Variants in ARHGEF1 observed in about 807,000 individuals in gnomAD.
The protein encoded by ARHGEF1 is 115 kDa guanine nucleotide exchange factor.
A neutral mutation model predicts 119.7 loss-of-function variants in ARHGEF1; 40 were observed. The observed-to-expected ratio is 0.33, with a 90% CI of 0.26 to 0.44. The LOEUF is 0.44. Ranked by LOEUF, ARHGEF1 falls within the 20% of genes least tolerant of loss-of-function variation. The pLI, the probability that ARHGEF1 is intolerant of heterozygous loss-of-function variation, is 1.00. For missense variants in ARHGEF1, 976 were observed against 1,268.3 expected (o/e 0.77, Z 3.50); for synonymous variants, 494 against 521.0 (o/e 0.95, Z 0.71).
At chr19:41,912,986 C>T (rs2074762857) in intron 18 of ARHGEF1, 3 of 830,536 alleles carry the variant, frequency 3.6e-6, no homozygotes, top group Admixed American at 4.3e-5. Context: ...GAGACAGACA[C>T]AGGTCAGCCA....
At chr19:41,897,171 G>T in intron 13 of ARHGEF1, 1 of 747,022 alleles carries the variant, frequency 1.3e-6, no homozygotes, top group Non-Finnish European at 2.0e-6. Context: ...TGCCCTGGGG[G>T]CCCTGTCCCC....
At chr19:41,884,678 C>T (rs1600638233) in intron 1 of ARHGEF1, among the ~76,000 whole-genome samples, 1 of 152,174 alleles carries the variant, frequency 6.6e-6, no homozygotes, top group African/African-American at 2.4e-5. Context: ...ACAGACCCTC[C>T]AGGTTCCTGC....
In ARHGEF1 at chr19:41,903,726, G is replaced by A. The variant is rs1428771477; in HGVS notation, c.1859G>A (p.Arg620Gln). 1.9e-6 allele frequency: 3 copies of A among 1,612,896 alleles called. No individual in the cohort carries two copies. The highest frequency in any genetic ancestry group is 3.3e-5 in the Admixed American group (2 of 59,992). Residue 620 changes from arginine to glutamine, a missense_variant, in exon 20 of 29, where the codon CGG becomes CAG. This residue lies in a region of ARHGEF1 where 286 missense variants were observed against 506.8 expected (regional missense o/e 0.56). Coordinates refer to ENST00000354532, the MANE Select transcript of ARHGEF1 (RefSeq NM_004706.4). This position sits in a 1 kb window ranked among gnomAD's most constrained non-coding sequence, Gnocchi z 4.2. Reference protein sequence around the residue: ...EDLLRLKDYQRRLDLSHLRQS... With the variant: ...EDLLRLKDYQQRLDLSHLRQS... ...CCCCAGAGGCTCAAGGACTATCAGCGGCGCCTGGACTTGTCCCACCTTCGG... is the reference window on the plus strand; with the variant it reads ...CCCCAGAGGCTCAAGGACTATCAGCAGCGCCTGGACTTGTCCCACCTTCGG...
At chr19:41,884,449 T>C in intron 1 of ARHGEF1, 28 of 1,605,728 alleles carry the variant, frequency 1.7e-5, no homozygotes, top group Non-Finnish European at 2.3e-5. Flanking sequence ...GCGCGGAGGC[T>C]TCGGTTCCGG....
chr19:41,913,702 G>A (rs1555851486), intron 18 of ARHGEF1, among the ~76,000 whole-genome samples: 2 of 136,756 alleles, frequency 1.5e-5, no homozygotes, highest in Non-Finnish European at 3.2e-5. Context: ...CCCTCCCTCA[G>A]ACACTCCCTC....
chr19:41,884,341 C>A, intron 1 of ARHGEF1: 1 of 1,383,918 alleles, frequency 7.2e-7, no homozygotes, highest in Non-Finnish European at 9.9e-7. Flanking sequence ...AGGAGCCGGG[C>A]TAGAGCGGCT....
chr19:41,907,560 G>GTTCA (rs1200271721), downstream of ARHGEF1: 13 of 661,418 alleles, frequency 2.0e-5, no homozygotes, highest in Admixed American at 9.6e-5. Flanking sequence ...CCCTCCAGTT[G>GTTCA]TTCATTCATT....
At chr19:41,928,981 G>A (rs1555853612) in exon 2 of ARHGEF1, 1 of 451,538 alleles carries the variant, frequency 2.2e-6, no homozygotes, top group Non-Finnish European at 4.5e-6. Flanking sequence ...GGGACATATG[G>A]ATACAGTAAG....
rs116179799 is a variant in ARHGEF1 at position 41,887,536 on chromosome 19, G to A, written c.-19-528G>A. 4.4e-3 allele frequency among the ~76,000 whole-genome samples: 675 copies of A among 152,232 alleles called. 3 individuals carry two copies. The highest frequency in any genetic ancestry group is 0.016 in the African/African-American group (646 of 41,516). ...GTTTTGTTTTCTTATGTGGAGAGTT[G>A]GGGGTTGGGGGTTTGCCATTGTGAC... On this transcript the variant is annotated intron_variant, in intron 1 of 28. Transcript: ENST00000354532.
At chr19:41,914,303 C>G (rs998184741) in intron 18 of ARHGEF1, among the ~76,000 whole-genome samples, 1 of 151,322 alleles carries the variant, frequency 6.6e-6, no homozygotes, top group Admixed American at 6.6e-5. Flanking sequence ...GTCACTTGGT[C>G]TCTTCTCCCT....
intron 18 of ARHGEF1, among the ~76,000 whole-genome samples, chr19:41,914,631 CT>C (rs2074780025): frequency 1.9e-5 from 1 of 51,676 alleles, no homozygotes. Flanking sequence ...CCATCTCTGT[CT>C]CTGTCTCTCC....
At chr19:41,928,031 C>T (rs2074882320) in intron 1 of ARHGEF1, 1 of 152,176 alleles carries the variant, frequency 6.6e-6, no homozygotes, top group Non-Finnish European at 1.5e-5. Context: ...GGCCGCGGCG[C>T]TCACTCACTT....
chr19:41,915,008 G>A (rs2074791111), intron 18 of ARHGEF1, among the ~76,000 whole-genome samples: 1 of 71,304 alleles, frequency 1.4e-5, no homozygotes, highest in Non-Finnish European at 2.4e-5. Flanking sequence ...TCCTGTCTCT[G>A]CCCCCACCGT....
In ARHGEF1 at chr19:41,894,232, C is replaced by G. The variant is rs1555846993; in HGVS notation, c.670C>G (p.Leu224Val). Reference sequence around the variant, plus strand: ...TGCTGCCGTGGTCAACGCCATTGGCCTGTACATGCGCCACCTTGGGGTGCG... The same window carrying G: ...TGCTGCCGTGGTCAACGCCATTGGCGTGTACATGCGCCACCTTGGGGTGCG... Reference protein sequence around the residue: ...KSAAVVNAIGLYMRHLGVRTK... With the variant: ...KSAAVVNAIGVYMRHLGVRTK... Residue 224 changes from leucine (L) to valine (V), a missense_variant, in exon 9 of 29, where the codon CTG becomes GTG. Around this residue, in one of 3 missense-constraint regions of ARHGEF1, gnomAD observed 519 missense variants for 580.9 expected, o/e 0.89. Coordinates refer to ENST00000354532, the MANE Select transcript of ARHGEF1 (RefSeq NM_004706.4). 1 of 1,553,010 alleles carries G rather than the reference C, an allele frequency of 6.4e-7. No individual in the cohort carries two copies. The highest frequency in any genetic ancestry group is 8.7e-7 in the Non-Finnish European group (1 of 1,147,478).
chr19:41,900,722 T>C (rs1204306738), intron 14 of ARHGEF1: 1 of 151,828 alleles, frequency 6.6e-6, no homozygotes, highest in African/African-American at 2.4e-5. Flanking sequence ...ATGAGGACCA[T>C]TGGTCACTCT....
rs1393329979 is a variant in ARHGEF1 at position 41,888,763 on chromosome 19, G to C, written c.123G>C (p.Glu41Asp). 1.2e-6 allele frequency: 2 copies of C among 1,614,080 alleles called. No homozygotes were observed. Among genetic ancestry groups the C allele is most frequent in the Non-Finnish European group, 1.7e-6 (2 of 1,180,032 alleles). ...FENELETNSE[E>D]QNSQFQSLEQ... is the part of the protein sequence containing the mutation. ...TCCTGCACCCCCAGAACTCAGAAGA[G>C]CAAAACAGCCAGTTCCAGAGCCTGG... Residue 41 changes from glutamate to aspartate, a missense_variant, in exon 4 of 29, where the codon GAG becomes GAC. By Grantham distance (45) the Glu-to-Asp change is conservative (BLOSUM62 2). Around this residue, in one of 3 missense-constraint regions of ARHGEF1, gnomAD observed 519 missense variants for 580.9 expected, o/e 0.89. Coordinates refer to ENST00000354532, the MANE Select transcript of ARHGEF1 (RefSeq NM_004706.4). This position sits in a 1 kb window ranked among gnomAD's most constrained non-coding sequence, Gnocchi z 5.1.
In ARHGEF1 at chr19:41,894,660, T is replaced by C; in HGVS notation, c.876T>C (p.Asp292=). The C allele has an allele frequency of 6.2e-7, 1 of 1,614,006 alleles. No homozygotes were observed. The highest frequency in any genetic ancestry group is 8.5e-7 in the Non-Finnish European group (1 of 1,179,904). Residue 292 remains aspartate (D), a splice_region_variant and synonymous_variant, in exon 11 of 29, where the codon GAT becomes GAC. Coordinates refer to ENST00000354532, the MANE Select transcript of ARHGEF1 (RefSeq NM_004706.4). ...TTCGACACCTCAAAGCAGAGGTTGA[T>C]GGTAATGTACCTGTAGCCATAGCAT... ...PDFRHLKAEV[D]AEKPGATDRK...
rs782713344 is a variant in ARHGEF1 at position 41,903,684 on chromosome 19, T to A, written c.1840-23T>A. ...AGCCCCAGCACTTAGCTTGTCCCCATAATGCTCCCGTCTCTGCCCCAGAGG... is the reference window on the plus strand; with the variant it reads ...AGCCCCAGCACTTAGCTTGTCCCCAAAATGCTCCCGTCTCTGCCCCAGAGG... On this transcript the variant is annotated intron_variant, in intron 19 of 28. Coordinates refer to ENST00000354532, the MANE Select transcript of ARHGEF1 (RefSeq NM_004706.4). The surrounding 1 kb of genome is among the most constrained non-coding windows in gnomAD (Gnocchi z 4.2). The A allele has an allele frequency of 6.2e-7, 1 of 1,610,680 alleles. No homozygotes were observed.
Position 41,916,015 on chromosome 19 carries a change from A to AC in ARHGEF1, c.1866-7070dup, listed in dbSNP as rs1337064348. ...TTTTTAATTTTATTTTGCTTCCTCC[A>AC]CCCCCCCTTCGCCCCCCATCTCTAC... On this transcript the variant is annotated intron_variant, in intron 18 of 20. Transcript: ENST00000599589. The surrounding 1 kb of genome is among the most constrained non-coding windows in gnomAD (Gnocchi z 5.4). Among the ~76,000 whole-genome samples, 22 of 136,530 alleles carry AC rather than the reference A, an allele frequency of 1.6e-4. No homozygotes were observed. The highest frequency in any genetic ancestry group is 1.4e-3 in the East Asian group (6 of 4,428). The allele number at this position is 136,530 out of a possible 152,430, so 89.6% of individuals were successfully genotyped here.
Sources: allele counts gnomAD v4.1 joint callset (sites outside exome capture counted in the v4.1 genomes callset), GRCh38; gene constraint gnomAD v4.1.1; regional missense constraint gnomAD v4.1.1; non-coding constraint Gnocchi (gnomAD v3.1); transcripts MANE v1.5; gene names NCBI Gene and HGNC (gene_info 2026-07-23, HGNC 2026-07-21).